PRTFDC1: variants seen among roughly 807,000 people sequenced by gnomAD.
PRTFDC1 encodes the protein phosphoribosyl transferase domain containing 1, also known as phosphoribosyltransferase domain-containing protein 1.
PRTFDC1 carries 38 observed loss-of-function variants against 34.6 expected under a neutral mutation model. The observed-to-expected ratio is 1.10, with a 90% CI of 0.85 to 1.44. PRTFDC1 has a LOEUF of 1.44. PRTFDC1 is among the 40% of genes most tolerant of loss of function. The pLI is 0.00. For missense variants in PRTFDC1, 270 were observed against 283.0 expected, an observed-to-expected ratio of 0.95 and a Z score of 0.33; for synonymous variants, 93 against 98.1, an observed-to-expected ratio of 0.95 and a Z score of 0.31.
Position 24,908,012 on chromosome 10 carries a change from C to T in PRTFDC1, c.339+29172G>A, listed in dbSNP as rs1588607603. 2.0e-5 allele frequency among the ~76,000 whole-genome samples: 3 copies of T among 152,182 alleles called. No homozygotes were observed. The East Asian group carries it at 5.8e-4, about 29-fold the overall frequency. The stretch of plus-strand genomic sequence containing the variant: ...AAAATTTCTTTATAAAGTTTTCTAG[C>T]AACCAAGTGTTTGGAACATTAAAAT... On this transcript the variant is annotated intron_variant, in intron 3 of 8. Transcript: ENST00000320152.
At chr10:24,939,766 C>G (rs182594378) in intron 2 of PRTFDC1, among the ~76,000 whole-genome samples, 12 of 133,020 alleles carry the variant, frequency 9.0e-5, no homozygotes, top group Admixed American at 7.6e-4. Context: ...TGCACTCCAG[C>G]CAGGGTGACA....
intron 3 of PRTFDC1, among the ~76,000 whole-genome samples, chr10:24,893,684 T>A (rs1310605819): frequency 1.3e-5 from 2 of 152,198 alleles, no homozygotes; most frequent in African/African-American, 4.8e-5. Flanking sequence ...ACCTTTATAG[T>A]GATGGATACT....
intron 3 of PRTFDC1, among the ~76,000 whole-genome samples, chr10:24,887,659 A>G (rs1588593310): frequency 6.6e-6 from 1 of 151,244 alleles, no homozygotes; most frequent in South Asian, 2.1e-4. Context: ...GGACTAATAT[A>G]CCCTCTATCC....
intron 3 of PRTFDC1, among the ~76,000 whole-genome samples, chr10:24,902,638 TCAAACTTAGAG>T (rs1175269478): frequency 2.6e-5 from 4 of 152,170 alleles, no homozygotes; most frequent in Non-Finnish European, 5.9e-5. Flanking sequence ...ATATTTTTCT[TCAAACTTAGAG>T]CAAAGAGAAT....
intron 1 of PRTFDC1, among the ~76,000 whole-genome samples, chr10:24,944,964 T>A (rs988397406): frequency 1.3e-5 from 2 of 152,048 alleles, no homozygotes; most frequent in Non-Finnish European, 2.9e-5. Flanking sequence ...CAGCAGCTGC[T>A]CTCTTTCAAG....
chr10:24,911,198 A>T lies in PRTFDC1; in HGVS notation c.339+25986T>A, dbSNP rs375825394. The stretch of plus-strand genomic sequence containing the variant: ...AGTCATGATGTAGAATAATTCCATC[A>T]CCCCCAAAAGCTCCCTTGAGCCCCT... On this transcript the variant is annotated intron_variant, in intron 3 of 8. Transcript: ENST00000320152. 2.0e-5 allele frequency among the ~76,000 whole-genome samples: 3 copies of T among 152,192 alleles called. No individual in the cohort carries two copies. The East Asian group carries it at 5.8e-4, about 29-fold the overall frequency.
chr10:24,890,562 G>T (rs564735879), intron 3 of PRTFDC1, among the ~76,000 whole-genome samples: 1 of 152,188 alleles, frequency 6.6e-6, no homozygotes, highest in Non-Finnish European at 1.5e-5. Flanking sequence ...TGGCTGATGA[G>T]CATGAGAGCT....
At chr10:24,940,668 C>T (rs189569890) in intron 2 of PRTFDC1, among the ~76,000 whole-genome samples, 1 of 152,250 alleles carries the variant, frequency 6.6e-6, no homozygotes, top group Admixed American at 6.5e-5. Flanking sequence ...TACCAGAAAA[C>T]CCAGAATTCC....
chr10:24,868,336 A>G (rs1311884003), intron 4 of PRTFDC1: 1 of 152,186 alleles, frequency 6.6e-6, no homozygotes, highest in Non-Finnish European at 1.5e-5. Context: ...AATCCAAGGA[A>G]AGAGTCTTGC....
Position 24,855,886 on chromosome 10 carries a change from G to A in PRTFDC1, c.507-522C>T, listed in dbSNP as rs147278732. 1.8e-4 allele frequency among the ~76,000 whole-genome samples: 28 copies of A among 152,202 alleles called. 1 individual carries two copies. The East Asian group carries it at 5.4e-3, about 29-fold the overall frequency. On this transcript the variant is annotated intron_variant, in intron 6 of 8. Transcript: ENST00000320152. Reference sequence around the variant, plus strand: ...GCTTGTAATTCCAGCACTTTGGGAGGCCAAATCACTTGAGCTCATAAGTTT... The same window carrying A: ...GCTTGTAATTCCAGCACTTTGGGAGACCAAATCACTTGAGCTCATAAGTTT...
intron 3 of PRTFDC1, among the ~76,000 whole-genome samples, chr10:24,925,147 G>T (rs2132589469): frequency 6.6e-6 from 1 of 152,278 alleles, no homozygotes; most frequent in African/African-American, 2.4e-5. Flanking sequence ...CCATAAAAAA[G>T]GATGAGTTCA....
intron 3 of PRTFDC1, among the ~76,000 whole-genome samples, chr10:24,878,820 C>A (rs377452011): frequency 3.9e-5 from 6 of 152,242 alleles, no homozygotes; most frequent in South Asian, 2.1e-4. Flanking sequence ...AAGAGAACCA[C>A]CCTCTAAGCC....
intron 3 of PRTFDC1, among the ~76,000 whole-genome samples, chr10:24,880,965 C>A (rs1411293007): frequency 6.7e-6 from 1 of 149,310 alleles, no homozygotes; most frequent in Non-Finnish European, 1.5e-5. Context: ...TTCTTTCTTT[C>A]TTTCCTTTCT....
In PRTFDC1 at chr10:24,916,583, C is replaced by T. The variant is rs536406145; in HGVS notation, c.339+20601G>A. ...CACCTAAGGGCCATTGCACTTGCTGCTTCCTCTTCCTGGGACTGACTTCCC... is the reference window on the plus strand; with the variant it reads ...CACCTAAGGGCCATTGCACTTGCTGTTTCCTCTTCCTGGGACTGACTTCCC... On this transcript the variant is annotated intron_variant, in intron 3 of 8. Coordinates refer to ENST00000320152, the MANE Select transcript of PRTFDC1 (RefSeq NM_020200.7). Among the ~76,000 whole-genome samples, 37 of 152,230 alleles carry T rather than the reference C, an allele frequency of 2.4e-4. No homozygotes were observed. The South Asian group carries it at 7.3e-3, about 30-fold the overall frequency.
At chr10:24,871,527 A>C (rs527830194) in intron 4 of PRTFDC1, among the ~76,000 whole-genome samples, 1 of 152,234 alleles carries the variant, frequency 6.6e-6, no homozygotes, top group Admixed American at 6.5e-5. Context: ...ATAGAAAAAA[A>C]GGCAAAGTGC....
At chr10:24,850,921 G>T (rs56307671) in intron 8 of PRTFDC1, among the ~76,000 whole-genome samples, 2,819 of 152,252 alleles carry the variant, frequency 0.019, 38 homozygotes, top group Non-Finnish European at 0.028. Context: ...ATGCAGTGTT[G>T]GTCAGGGTCA....
intron 3 of PRTFDC1, among the ~76,000 whole-genome samples, chr10:24,926,738 C>G (rs1030127843): frequency 6.6e-6 from 1 of 152,200 alleles, no homozygotes; most frequent in African/African-American, 2.4e-5. Flanking sequence ...CCCGAGATGT[C>G]TGCTCCAGGG....
intron 3 of PRTFDC1, among the ~76,000 whole-genome samples, chr10:24,907,561 A>G (rs1221206444): frequency 6.6e-6 from 1 of 152,256 alleles, no homozygotes; most frequent in Non-Finnish European, 1.5e-5. Flanking sequence ...ACGCCACTGC[A>G]TTCTGGCCTG....
At chr10:24,900,356 A>G (rs1357386741) in intron 3 of PRTFDC1, among the ~76,000 whole-genome samples, 5 of 152,264 alleles carry the variant, frequency 3.3e-5, no homozygotes, top group Non-Finnish European at 5.9e-5. Context: ...GTCTAGGCTC[A>G]AAGAGGCAGA....
Sources: gnomAD v4.1 joint callset for allele counts (sites outside exome capture counted in the v4.1 genomes callset) on GRCh38, gnomAD v4.1.1 for gene constraint, MANE v1.5 for transcripts, NCBI Gene and HGNC (gene_info 2026-07-23, HGNC 2026-07-21) for gene names.